The following SLC9A9 variants were observed in gnomAD, a reference collection of about 807,000 sequenced individuals.
The protein encoded by SLC9A9 is solute carrier family 9 member A9.
In SLC9A9, 62 loss-of-function variants were observed where a neutral mutation model predicts 77.8. That is an observed-to-expected ratio of 0.80 (90% confidence interval 0.65 to 0.98). The LOEUF (loss-of-function observed/expected upper bound fraction) is 0.98. Among genes scored for constraint, SLC9A9 ranks in the 50% least tolerant of loss-of-function variants. The pLI, the probability that SLC9A9 is intolerant of heterozygous loss-of-function variation, is 0.00. For synonymous variants in SLC9A9, 320 were observed against 283.5 expected, an observed-to-expected ratio of 1.13 and a Z score of -1.29; for missense variants, 775 against 774.9, an observed-to-expected ratio of 1.00 and a Z score of 0.00.
chr3:143,798,482 T>G (rs1050555351), intron 2 of SLC9A9, among the ~76,000 whole-genome samples: 1 of 152,186 alleles, frequency 6.6e-6, no homozygotes, highest in Non-Finnish European at 1.5e-5. Flanking sequence ...TACCCTTCTC[T>G]TTAAATTTGC....
Position 143,499,074 on chromosome 3 carries a change from C to G in SLC9A9, c.1090-3626G>C, listed in dbSNP as rs145756040. ...CAAAGCGGTGGTATCAATTTGCACT[C>G]CAATCAGCAATTCTAGTAGCTTTAC... On this transcript the variant is annotated intron_variant, in intron 9 of 15. Transcript: ENST00000316549. Among the ~76,000 whole-genome samples the G allele has an allele frequency of 9.0e-3, 1,367 of 152,226 alleles. 22 individuals are homozygous for G. The highest frequency in any genetic ancestry group is 0.031 in the African/African-American group (1,302 of 41,534).
intron 11 of SLC9A9, among the ~76,000 whole-genome samples, chr3:143,486,542 C>T (rs2035655572): frequency 6.6e-6 from 1 of 151,946 alleles, no homozygotes; most frequent in African/African-American, 2.4e-5. Flanking sequence ...TTATTTTCTA[C>T]ATAATTTAAG....
In SLC9A9 at chr3:143,314,962, G is replaced by A. The variant is rs139325398; in HGVS notation, c.1605-45982C>T. Among the ~76,000 whole-genome samples the A allele has an allele frequency of 5.8e-3, 888 of 152,270 alleles. 22 individuals carry two copies. Among genetic ancestry groups the A allele is most frequent in the Non-Finnish European group, 2.3e-3 (157 of 68,026 alleles). Reference sequence around the variant, plus strand: ...CTGCTGGACAGTGCTCTATCTATTAGCCCTGCAACACCTGGGAAGTTAAAA... The same window carrying A: ...CTGCTGGACAGTGCTCTATCTATTAACCCTGCAACACCTGGGAAGTTAAAA... On this transcript the variant is annotated intron_variant, in intron 14 of 15. Coordinates refer to ENST00000316549, the MANE Select transcript of SLC9A9 (RefSeq NM_173653.4).
intron 4 of SLC9A9, among the ~76,000 whole-genome samples, chr3:143,740,402 G>C (rs188020371): frequency 3.9e-5 from 6 of 152,252 alleles, no homozygotes; most frequent in Admixed American, 2.6e-4. Flanking sequence ...CCAAATTACA[G>C]CCATTCCTCT....
chr3:143,337,307 G>A (rs950052233), intron 14 of SLC9A9, among the ~76,000 whole-genome samples: 52 of 151,954 alleles, frequency 3.4e-4, no homozygotes, highest in Admixed American at 6.6e-5. Flanking sequence ...TGGATTTTCC[G>A]AGGCATTTAT....
At chr3:143,296,784 G>A (rs1426605970) in intron 14 of SLC9A9, among the ~76,000 whole-genome samples, 4 of 152,138 alleles carry the variant, frequency 2.6e-5, no homozygotes, top group African/African-American at 9.7e-5. Flanking sequence ...CTGATTATTA[G>A]TGATGTTGAG....
At chr3:143,307,681 T>G (rs1194070545) in intron 14 of SLC9A9, among the ~76,000 whole-genome samples, 1 of 152,200 alleles carries the variant, frequency 6.6e-6, no homozygotes, top group Non-Finnish European at 1.5e-5. Flanking sequence ...TGGCCTCTGT[T>G]TCCTGGTCCT....
chr3:143,560,338 C>T (rs778131848), intron 8 of SLC9A9, among the ~76,000 whole-genome samples: 63 of 152,262 alleles, frequency 4.1e-4, no homozygotes, highest in Non-Finnish European at 4.0e-4. Flanking sequence ...CCTTGTATGT[C>T]CCCAAAAGAT....
chr3:143,781,326 C>T (rs2007875868), intron 4 of SLC9A9, among the ~76,000 whole-genome samples: 2 of 152,034 alleles, frequency 1.3e-5, no homozygotes, highest in Admixed American at 1.3e-4. Context: ...GGAATTGTTT[C>T]AATAAAAGTA....
At chr3:143,292,872 G>A (rs564594986) in intron 14 of SLC9A9, among the ~76,000 whole-genome samples, 15 of 152,280 alleles carry the variant, frequency 9.9e-5, no homozygotes, top group South Asian at 2.1e-4. Context: ...TGGCTGTAGC[G>A]TAGGTGGTCT....
At chr3:143,677,909 C>T (rs1932937072) in intron 5 of SLC9A9, among the ~76,000 whole-genome samples, 1 of 147,110 alleles carries the variant, frequency 6.8e-6, no homozygotes, top group Non-Finnish European at 1.5e-5. Flanking sequence ...TCACTGCAAG[C>T]TCTGCCCCCC....
chr3:143,748,742 GC>G (rs1935261352), intron 4 of SLC9A9, among the ~76,000 whole-genome samples: 1 of 144,228 alleles, frequency 6.9e-6, no homozygotes, highest in African/African-American at 2.6e-5. Flanking sequence ...TGTCGCCCAG[GC>G]CGGACTGCGG....
intron 4 of SLC9A9, among the ~76,000 whole-genome samples, chr3:143,760,067 A>G (rs903019970): frequency 6.6e-6 from 1 of 152,162 alleles, no homozygotes; most frequent in Non-Finnish European, 1.5e-5. Context: ...ATAGTTTACT[A>G]TCTTGAGTTT....
At chr3:143,563,743 G>C (rs191161418) in intron 8 of SLC9A9, among the ~76,000 whole-genome samples, 44 of 152,232 alleles carry the variant, frequency 2.9e-4, no homozygotes, top group Non-Finnish European at 6.0e-4. Flanking sequence ...AAATCTATTT[G>C]TTGCCAATAA....
chr3:143,657,906 G>A (rs189727947), intron 5 of SLC9A9, among the ~76,000 whole-genome samples: 173 of 151,884 alleles, frequency 1.1e-3, no homozygotes, highest in Admixed American at 3.7e-3. Context: ...TCGCTCTGTT[G>A]CCCAGGCTGG....
rs2035379791 is a variant in SLC9A9 at position 143,471,636 on chromosome 3, A to C, written c.1316-4446T>G. Among the ~76,000 whole-genome samples the C allele has an allele frequency of 2.0e-5, 3 of 152,328 alleles. No homozygotes were observed. In the South Asian group the frequency reaches 6.2e-4, roughly 32 times the overall value. ...TTGTTTTATGAATACTCTGAGTTTG[A>C]GTCTTTGGGTTTTATCTTTCTTTTT... On this transcript the variant is annotated intron_variant, in intron 11 of 15. Coordinates refer to ENST00000316549, the MANE Select transcript of SLC9A9 (RefSeq NM_173653.4).
chr3:143,339,044 C>T (rs183686214), intron 14 of SLC9A9, among the ~76,000 whole-genome samples: 1 of 152,104 alleles, frequency 6.6e-6, no homozygotes, highest in Non-Finnish European at 1.5e-5. Flanking sequence ...AAAGCTGGGA[C>T]CCTTCAGATG....
At chr3:143,497,117 T>C (rs982354382) in intron 9 of SLC9A9, among the ~76,000 whole-genome samples, 1 of 152,222 alleles carries the variant, frequency 6.6e-6, no homozygotes, top group East Asian at 1.9e-4. Context: ...ACATATGAAT[T>C]TTTAGAGAGC....
At chr3:143,704,716 G>T (rs1461428401) in intron 4 of SLC9A9, among the ~76,000 whole-genome samples, 2 of 152,058 alleles carry the variant, frequency 1.3e-5, no homozygotes. Context: ...AATGTGGCTT[G>T]GTGTGGTGGC....
Sources: allele counts gnomAD v4.1 joint callset (sites outside exome capture counted in the v4.1 genomes callset), GRCh38; gene constraint gnomAD v4.1.1; transcripts MANE v1.5; gene names NCBI Gene and HGNC (gene_info 2026-07-23, HGNC 2026-07-21).